Variants in SEMA3E observed in about 807,000 individuals in gnomAD.
The protein encoded by SEMA3E is semaphorin-3E.
In SEMA3E, 49 loss-of-function variants were observed where a neutral mutation model predicts 93.6. The observed-to-expected ratio is 0.52, with a 90% CI of 0.42 to 0.66. The LOEUF (loss-of-function observed/expected upper bound fraction) is 0.66, where lower values mean the gene tolerates loss of function less well. SEMA3E is among the 30% of genes least tolerant of loss of function. The pLI is 0.00. For missense variants in SEMA3E, 906 were observed against 964.8 expected, an observed-to-expected ratio of 0.94 and a Z score of 0.81; for synonymous variants, 363 against 330.7, an observed-to-expected ratio of 1.10 and a Z score of -1.06.
At position 83,363,861 on chromosome 7, in the gene SEMA3E, T is replaced by TTTTTTTTCTTTTTTTTTTTTC. The variant is rs1794622996; in HGVS notation, c.*3724_*3725insGAAAAAAAAAAAAGAAAAAAA. 1.9e-4 allele frequency: 1 copy of TTTTTTTTCTTTTTTTTTTTTC among 5,264 alleles called. No individual in the cohort carries two copies. The highest frequency in any genetic ancestry group is 3.6e-4 in the African/African-American group (1 of 2,776). The allele number at this position is 5,264 out of a possible 1,614,324, so 0.3% of individuals were successfully genotyped here. A position where few individuals can be genotyped will look rare whatever the true frequency, so the allele number is the denominator to read the frequency against. ...GCTACAGGTGTCACAGGTCAATTCA[T>TTTTTTTTCTTTTTTTTTTTTC]TTTTTTTTTTTTTTTTTTTTTTTTT... is the stretch of plus-strand genomic sequence containing the variant. On this transcript the variant is annotated 3_prime_UTR_variant, in exon 17 of 17. Transcript: ENST00000643230.
chr7:83,602,600 C>T (rs1052679325), intron 1 of SEMA3E, among the ~76,000 whole-genome samples: 1 of 152,070 alleles, frequency 6.6e-6, no homozygotes, highest in African/African-American at 2.4e-5. Flanking sequence ...GCCTCAGCCT[C>T]CCAAGTAGCT....
intron 16 of SEMA3E, among the ~76,000 whole-genome samples, chr7:83,384,351 G>A (rs1192317285): frequency 2.0e-5 from 3 of 151,976 alleles, no homozygotes; most frequent in Non-Finnish European, 4.4e-5. Context: ...TATCCAAAAT[G>A]CACCTATTAC....
intron 4 of SEMA3E, among the ~76,000 whole-genome samples, chr7:83,442,040 A>G (rs1048603900): frequency 1.3e-5 from 2 of 152,188 alleles, no homozygotes; most frequent in Admixed American, 1.3e-4. Flanking sequence ...TTAAATCTAC[A>G]TATTATGGAG....
At chr7:83,529,074 C>A (rs3823900) in intron 1 of SEMA3E, among the ~76,000 whole-genome samples, 21,582 of 151,964 alleles carry the variant, frequency 0.14, 2,252 homozygotes, top group African/African-American at 0.28. Context: ...TATTTGAAAT[C>A]ATTCACATAG....
rs538527858 is a variant in SEMA3E at position 83,637,455 on chromosome 7, A to G, written c.115+10973T>C. Among the ~76,000 whole-genome samples the G allele has an allele frequency of 2.6e-5, 4 of 152,270 alleles. No homozygotes were observed. In the South Asian group the frequency reaches 8.3e-4, roughly 32 times the overall value. ...AGGCTCTTTTAATTCTCTGAAGGCA[A>G]TGATATGGTTTGGCTCTGTGTCCCC... On this transcript the variant is annotated intron_variant, in intron 1 of 16. Transcript: ENST00000643230.
chr7:83,570,554 A>AAAAAAAAAAAACAAAAAAAAAAAC (rs1216027444), intron 1 of SEMA3E, among the ~76,000 whole-genome samples: 1 of 137,934 alleles, frequency 7.2e-6, no homozygotes, highest in African/African-American at 2.7e-5. Context: ...CTCCGTCTCA[A>AAAAAAAAAAAACAAAAAAAAAAAC]AAAAAAAAAA....
chr7:83,577,639 A>G (rs1002382711), intron 1 of SEMA3E, among the ~76,000 whole-genome samples: 11 of 152,204 alleles, frequency 7.2e-5, no homozygotes, highest in Admixed American at 6.5e-4. Context: ...TGCAATTGAT[A>G]TTGACAATAA....
chr7:83,396,704 G>A lies in SEMA3E; in HGVS notation c.1392C>T (p.Ile464=), dbSNP rs1307985829. 1 of 1,602,854 alleles carries A rather than the reference G, an allele frequency of 6.2e-7. No individual in the cohort carries two copies. The highest frequency in any genetic ancestry group is 1.7e-5 in the Admixed American group (1 of 59,842). The change falls in exon 12 of 17, where the codon ATC becomes ATT. Residue 464 remains isoleucine (I), a synonymous_variant. Transcript: ENST00000643230. ...GTDNGIVLKV[I]TIYNQEMESM... ...ATTCCATTTCTTGGTTGTAAATTGTGATTACTTTCAGCACAATTCCATTAT... is the reference window on the plus strand; with the variant it reads ...ATTCCATTTCTTGGTTGTAAATTGTAATTACTTTCAGCACAATTCCATTAT...
chr7:83,555,066 A>T (rs757609734), intron 1 of SEMA3E, among the ~76,000 whole-genome samples: 2 of 152,102 alleles, frequency 1.3e-5, no homozygotes, highest in Non-Finnish European at 2.9e-5. Flanking sequence ...CAATTTAACT[A>T]TAAGTGCAGG....
At chr7:83,572,281 A>G (rs1419658309) in intron 1 of SEMA3E, among the ~76,000 whole-genome samples, 1 of 152,180 alleles carries the variant, frequency 6.6e-6, no homozygotes, top group East Asian at 1.9e-4. Flanking sequence ...AATCCAAAGC[A>G]AAAAGAAGAA....
In SEMA3E at chr7:83,367,357, A is replaced by G; in HGVS notation, c.*229T>C. 7 of 504,586 alleles carry G rather than the reference A, an allele frequency of 1.4e-5. No homozygotes were observed. The highest frequency in any genetic ancestry group is 3.3e-5 in the Admixed American group (1 of 29,984). 31.3% of individuals were successfully genotyped at this position (504,586 alleles called of 1,614,324 possible). ...CAGCTACAGTTGTTTTTTGATAAAC[A>G]TAATGAGAAACCATTAAGCAATGCA... On this transcript the variant is annotated 3_prime_UTR_variant, in exon 17 of 17. Transcript: ENST00000643230.
chr7:83,509,663 T>C (rs1168463382), intron 1 of SEMA3E, among the ~76,000 whole-genome samples: 1 of 152,220 alleles, frequency 6.6e-6, no homozygotes, highest in Non-Finnish European at 1.5e-5. Flanking sequence ...ATTCTCTACC[T>C]GGGTTGCACA....
At chr7:83,433,311 G>T (rs1365219614) in intron 4 of SEMA3E, among the ~76,000 whole-genome samples, 1 of 152,090 alleles carries the variant, frequency 6.6e-6, no homozygotes, top group African/African-American at 2.4e-5. Context: ...TAGTTACAAA[G>T]GGAACTGAGT....
In SEMA3E at chr7:83,457,919, C is replaced by T. The variant is rs572068472; in HGVS notation, c.456+8563G>A. Among the ~76,000 whole-genome samples, 7 of 152,210 alleles carry T rather than the reference C, an allele frequency of 4.6e-5. No individual in the cohort carries two copies. In the East Asian group the frequency reaches 1.4e-3, roughly 29 times the overall value. ...TGCTTAATCAAAGTATTCTCCTTGC[C>T]TAAATGATTTGTAACTTTTAATTCC... is the stretch of plus-strand genomic sequence containing the variant. On this transcript the variant is annotated intron_variant, in intron 4 of 16. Coordinates refer to ENST00000643230, the MANE Select transcript of SEMA3E (RefSeq NM_012431.3).
intron 4 of SEMA3E, among the ~76,000 whole-genome samples, chr7:83,443,049 C>G (rs560514220): frequency 6.6e-6 from 1 of 152,132 alleles, no homozygotes; most frequent in South Asian, 2.1e-4. Context: ...AACTGAGAGC[C>G]AGAATTTGAG....
At chr7:83,644,262 GTTA>G (rs1794052032) in intron 1 of SEMA3E, among the ~76,000 whole-genome samples, 1 of 151,692 alleles carries the variant, frequency 6.6e-6, no homozygotes, top group Non-Finnish European at 1.5e-5. Context: ...CATCTTCTGA[GTTA>G]TTATAACTAG....
chr7:83,550,163 T>C (rs1255433498), intron 1 of SEMA3E, among the ~76,000 whole-genome samples: 2 of 152,126 alleles, frequency 1.3e-5, no homozygotes, highest in Admixed American at 6.6e-5. Flanking sequence ...TAAACACATA[T>C]GGTATTGACT....
intron 4 of SEMA3E, among the ~76,000 whole-genome samples, chr7:83,454,138 G>C (rs1012644265): frequency 6.6e-6 from 1 of 150,414 alleles, no homozygotes; most frequent in Non-Finnish European, 1.5e-5. Flanking sequence ...GGCTCTTGTA[G>C]TCCCAGCTAC....
intron 1 of SEMA3E, among the ~76,000 whole-genome samples, chr7:83,538,433 T>C (rs1363395495): frequency 6.6e-6 from 1 of 152,148 alleles, no homozygotes; most frequent in Non-Finnish European, 1.5e-5. Context: ...TTCTGATGCC[T>C]AGTTATGTTG....
Sources: allele counts gnomAD v4.1 joint callset (sites outside exome capture counted in the v4.1 genomes callset), GRCh38; gene constraint gnomAD v4.1.1; transcripts MANE v1.5; gene names NCBI Gene and HGNC (gene_info 2026-07-23, HGNC 2026-07-21).